Variants in SS18 observed in about 807,000 individuals in gnomAD.
SS18 encodes SS18 subunit of BAF chromatin remodeling complex.
Under a neutral mutation model 72.5 loss-of-function variants are expected in SS18, and 28 were observed. The observed-to-expected ratio is 0.39, with a 90% CI of 0.29 to 0.53. The LOEUF (loss-of-function observed/expected upper bound fraction) is 0.53, where lower values mean the gene tolerates loss of function less well. Among genes scored for constraint, SS18 ranks in the 20% least tolerant of loss-of-function variants. SS18 has a pLI of 0.76. For missense variants in SS18, 518 were observed against 535.3 expected (o/e 0.97, Z 0.32); for synonymous variants, 172 against 164.2 (o/e 1.05, Z -0.37).
At chr18:26,039,565 T>G in intron 5 of SS18, 109 bp from the exon 6 acceptor site, 1 of 1,000,226 alleles carries the variant, frequency 1.0e-6, no homozygotes, top group Non-Finnish European at 1.4e-6. Context: ...TATAATTAAA[T>G]GCAGTAAAAA....
chr18:26,043,708 A>G (rs75666696), intron 5 of SS18, among the ~76,000 whole-genome samples: 2 of 152,216 alleles, frequency 1.3e-5, no homozygotes, highest in African/African-American at 2.4e-5. Flanking sequence ...AAAGAACAAG[A>G]GCAAGTAAGA....
At chr18:26,079,946 T>A (rs1318236561) in intron 2 of SS18, among the ~76,000 whole-genome samples, 1 of 152,130 alleles carries the variant, frequency 6.6e-6, no homozygotes, top group Non-Finnish European at 1.5e-5. Flanking sequence ...CACAGCTTTT[T>A]TTTTTTTAAT....
chr18:26,041,375 G>A (rs2143900649), intron 5 of SS18, among the ~76,000 whole-genome samples: 1 of 152,262 alleles, frequency 6.6e-6, no homozygotes, highest in Admixed American at 6.5e-5. Context: ...AGTAAGCTGA[G>A]ATCATGTAAC....
intron 3 of SS18, among the ~76,000 whole-genome samples, chr18:26,060,927 G>A (rs1157169944): frequency 6.6e-6 from 1 of 150,640 alleles, no homozygotes; most frequent in African/African-American, 2.5e-5. Context: ...CTGCACTCCA[G>A]CCTGGGAGAC....
At chr18:26,031,199 C>T (rs2053537136) in intron 10 of SS18, among the ~76,000 whole-genome samples, 1 of 152,194 alleles carries the variant, frequency 6.6e-6, no homozygotes, top group Non-Finnish European at 1.5e-5. Flanking sequence ...TTAATAAAAC[C>T]TCCAACTGAT....
chr18:26,079,212 A>C (rs904497373), intron 2 of SS18: 3 of 152,374 alleles, frequency 2.0e-5, no homozygotes, highest in Non-Finnish European at 2.9e-5. Flanking sequence ...TAAGAAAATA[A>C]AGCAAATTCA....
In SS18 at chr18:26,076,350, G is replaced by T. The variant is rs546489726; in HGVS notation, c.231+1726C>A. Among the ~76,000 whole-genome samples, 4 of 150,874 alleles carry T rather than the reference G, an allele frequency of 2.7e-5. No individual in the cohort carries two copies. The East Asian group carries it at 7.7e-4, about 29-fold the overall frequency. On this transcript the variant is annotated intron_variant, in intron 3 of 10. Coordinates refer to ENST00000415083, the MANE Select transcript of SS18 (RefSeq NM_001007559.3). Reference sequence around the variant, plus strand: ...ACAGACCAAGGAAACGATATAAACAGATCAGACACAGACCCACATATAAAC... The same window carrying T: ...ACAGACCAAGGAAACGATATAAACATATCAGACACAGACCCACATATAAAC...
chr18:26,065,157 G>A (rs1166674917), intron 3 of SS18, among the ~76,000 whole-genome samples: 2 of 152,146 alleles, frequency 1.3e-5, no homozygotes, highest in Non-Finnish European at 1.5e-5. Context: ...CAAATTCCCT[G>A]ATGTTGACCT....
At chr18:26,039,168 CAA>C (rs34318951) in intron 6 of SS18, 119 bp downstream of exon 6, 16,527 of 248,558 alleles carry the variant, frequency 0.066, 12 homozygotes, top group Middle Eastern at 0.079. Flanking sequence ...TACCTTTTGT[CAA>C]AAAAAAAAAA....
At chr18:26,047,008 G>GTTATTTAGCTTAACTGCAGTAAC (rs1422243491) in intron 5 of SS18, among the ~76,000 whole-genome samples, 19 of 152,262 alleles carry the variant, frequency 1.2e-4, no homozygotes, top group African/African-American at 4.1e-4. Context: ...GGGAACAGGT[G>GTTATTTAGCTTAACTGCAGTAAC]TTATTTAGCT....
chr18:26,022,632 T>C (rs566059163), intron 10 of SS18, among the ~76,000 whole-genome samples: 42 of 152,306 alleles, frequency 2.8e-4, no homozygotes, highest in Admixed American at 2.4e-3. Context: ...CCAGATGTTC[T>C]GACTTAAGGA....
At chr18:26,058,038 G>A (rs1220972540) in intron 3 of SS18, among the ~76,000 whole-genome samples, 1 of 151,908 alleles carries the variant, frequency 6.6e-6, no homozygotes, top group African/African-American at 2.4e-5. Flanking sequence ...TAAATTATGT[G>A]AAAAAAATTA....
In SS18 at chr18:26,018,161, A is replaced by G. The variant is rs193198733; in HGVS notation, c.*193T>C. 1.9e-4 allele frequency: 91 copies of G among 487,460 alleles called. No individual in the cohort carries two copies. The highest frequency in any genetic ancestry group is 3.3e-5 in the Non-Finnish European group (9 of 270,850). 30.2% of individuals were successfully genotyped at this position (487,460 alleles called of 1,614,324 possible). On this transcript the variant is annotated 3_prime_UTR_variant, in exon 11 of 11. Coordinates refer to ENST00000415083, the MANE Select transcript of SS18 (RefSeq NM_001007559.3). ...TCTAGAGTAGAAATGTGAAATCAAG[A>G]GTATTTTTGAGCTACTAAAGCCTTT...
At chr18:26,087,178 G>A (rs2054629550) in intron 2 of SS18, among the ~76,000 whole-genome samples, 1 of 152,138 alleles carries the variant, frequency 6.6e-6, no homozygotes, top group African/African-American at 2.4e-5. Context: ...CGACCACATA[G>A]TATATCAATC....
Position 26,035,969 on chromosome 18 carries a change from G to T in SS18, c.881-46C>A. 8.6e-7 allele frequency: 1 copy of T among 1,158,846 alleles called. No homozygotes were observed. Among genetic ancestry groups the T allele is most frequent in the Non-Finnish European group, 1.3e-6 (1 of 792,722 alleles). 71.8% of individuals were successfully genotyped at this position (1,158,846 alleles called of 1,614,324 possible). A position where few individuals can be genotyped will look rare whatever the true frequency, so the allele number is the denominator to read the frequency against. ...ACAGGAAGAAACGTTAATGGCCACT[G>T]AGTGAAAACCCTAAAAATATTTAAA... On this transcript the variant is annotated intron_variant, in intron 7 of 10. Coordinates refer to ENST00000415083, the MANE Select transcript of SS18 (RefSeq NM_001007559.3). The surrounding 1 kb of genome is among the most constrained non-coding windows in gnomAD (Gnocchi z 4.4).
At chr18:26,027,012 T>G (rs114464148) in intron 10 of SS18, among the ~76,000 whole-genome samples, 2,192 of 152,230 alleles carry the variant, frequency 0.014, 59 homozygotes, top group African/African-American at 0.05. Flanking sequence ...ATACTGTCAG[T>G]TCTCCCCAAA....
chr18:26,053,135 A>G (rs1335302090), intron 4 of SS18, among the ~76,000 whole-genome samples: 3 of 152,216 alleles, frequency 2.0e-5, no homozygotes, highest in Non-Finnish European at 4.4e-5. Flanking sequence ...GTAATTAACT[A>G]TGAACATAAA....
At chr18:26,074,319 A>G (rs1487493934) in intron 3 of SS18, among the ~76,000 whole-genome samples, 3 of 152,048 alleles carry the variant, frequency 2.0e-5, no homozygotes, top group Non-Finnish European at 2.9e-5. Context: ...CTTAAAAAAA[A>G]AAAAAAACTT....
intron 3 of SS18, among the ~76,000 whole-genome samples, chr18:26,067,029 C>G (rs762226436): frequency 1.3e-5 from 2 of 152,116 alleles, no homozygotes; most frequent in Non-Finnish European, 2.9e-5. Context: ...GTTATACATT[C>G]TTAAAGGAAT....
Sources: gnomAD v4.1 joint callset for allele counts (sites outside exome capture counted in the v4.1 genomes callset) on GRCh38, gnomAD v4.1.1 for gene constraint, Gnocchi (gnomAD v3.1) non-coding constraint, MANE v1.5 for transcripts, NCBI Gene and HGNC (gene_info 2026-07-23, HGNC 2026-07-21) for gene names.